NPAS3: variants seen among roughly 807,000 people sequenced by gnomAD.
The protein encoded by NPAS3 is neuronal PAS domain-containing protein 3.
NPAS3 carries 14 observed loss-of-function variants against 73.1 expected under a neutral mutation model. That is an observed-to-expected ratio of 0.19 (90% CI 0.13 to 0.30). The LOEUF is 0.30. Ranked by LOEUF, NPAS3 falls within the 10% of genes least tolerant of loss-of-function variation. The probability of loss-of-function intolerance (pLI) is 1.00; values close to 1 mark genes in which losing one functional copy is unlikely to be tolerated. For missense variants in NPAS3, 1,096 were observed against 1,250.0 expected (o/e 0.88, Z 1.86); for synonymous variants, 620 against 541.5 (o/e 1.14, Z -2.01).
chr14:33,365,492 C>T (rs950357164), intron 3 of NPAS3, among the ~76,000 whole-genome samples: 2 of 152,136 alleles, frequency 1.3e-5, no homozygotes, highest in African/African-American at 4.8e-5. Context: ...TTAATCTCAG[C>T]ATAGTAAACT....
At chr14:33,448,325 A>G (rs1402957722) in intron 4 of NPAS3, among the ~76,000 whole-genome samples, 1 of 152,224 alleles carries the variant, frequency 6.6e-6, no homozygotes, top group African/African-American at 2.4e-5. Flanking sequence ...AGGGAACTCC[A>G]TAATTTAAGG....
chr14:33,163,723 T>A (rs768389159), intron 2 of NPAS3, among the ~76,000 whole-genome samples: 4 of 151,534 alleles, frequency 2.6e-5, no homozygotes, highest in Non-Finnish European at 5.9e-5. Context: ...AAGGGTCAGA[T>A]GACTTGGAAA....
intron 7 of NPAS3, among the ~76,000 whole-genome samples, chr14:33,739,155 G>A (rs559941064): frequency 3.3e-5 from 5 of 152,260 alleles, no homozygotes; most frequent in South Asian, 2.1e-4. Flanking sequence ...TATAATGCTC[G>A]GAGTGTCTTC....
rs78174378 is a variant in NPAS3, at chr14:33,237,740, A to G, written c.385+22314A>G. Among the ~76,000 whole-genome samples the G allele has an allele frequency of 9.7e-4, 148 of 152,142 alleles. 1 individual carries two copies. The East Asian group carries it at 0.023, about 23-fold the overall frequency. On this transcript the variant is annotated intron_variant, in intron 3 of 11. Coordinates refer to ENST00000356141, the Ensembl canonical transcript of NPAS3. ...GATTTGCATATACATATATTTTTCT[A>G]TGTTGAAATGTTATTCACTCTATAT...
At chr14:33,039,815 G>T (rs1001903803) in intron 1 of NPAS3, among the ~76,000 whole-genome samples, 6 of 152,168 alleles carry the variant, frequency 3.9e-5, no homozygotes, top group African/African-American at 1.4e-4. Flanking sequence ...TGCACACAGG[G>T]GCCTGGGGTC....
chr14:33,650,212 G>A (rs1366670870), intron 5 of NPAS3, among the ~76,000 whole-genome samples: 1 of 152,206 alleles, frequency 6.6e-6, no homozygotes, highest in Non-Finnish European at 1.5e-5. Flanking sequence ...CAACTTATTA[G>A]AAGAGAACAG....
rs548768378 is a variant in NPAS3 at position 33,248,037 on chromosome 14, A to G, written c.385+32611A>G. Reference sequence around the variant, plus strand: ...CAAAATTGTGATGAAGGCTAAGTTCAATCCATGCAGGGCAAGATGCATGAG... The same window carrying G: ...CAAAATTGTGATGAAGGCTAAGTTCGATCCATGCAGGGCAAGATGCATGAG... On this transcript the variant is annotated intron_variant, in intron 3 of 11. Transcript: ENST00000356141. 9.5e-4 allele frequency among the ~76,000 whole-genome samples: 145 copies of G among 152,360 alleles called. 1 individual carries two copies. Among genetic ancestry groups the G allele is most frequent in the South Asian group, 2.1e-3 (10 of 4,828 alleles).
intron 7 of NPAS3, among the ~76,000 whole-genome samples, chr14:33,759,150 A>G (rs982851770): frequency 6.6e-6 from 1 of 152,178 alleles, no homozygotes; most frequent in African/African-American, 2.4e-5. Context: ...TCTTTATTAT[A>G]ATTTCTTATA....
At chr14:33,599,587 G>A (rs2057342414) in intron 5 of NPAS3, among the ~76,000 whole-genome samples, 1 of 152,152 alleles carries the variant, frequency 6.6e-6, no homozygotes. Flanking sequence ...CTTCTAAACT[G>A]CATAATTCCC....
At chr14:33,673,348 A>C (rs778477936) in intron 5 of NPAS3, among the ~76,000 whole-genome samples, 3 of 152,208 alleles carry the variant, frequency 2.0e-5, no homozygotes, top group Non-Finnish European at 4.4e-5. Flanking sequence ...TACCAGTTCA[A>C]AAGATTGTTA....
intron 5 of NPAS3, among the ~76,000 whole-genome samples, chr14:33,583,943 T>C (rs2056770424): frequency 6.6e-6 from 1 of 152,194 alleles, no homozygotes; most frequent in Admixed American, 6.5e-5. Flanking sequence ...GTAGATAGAC[T>C]GTAGGGAGCC....
intron 2 of NPAS3, among the ~76,000 whole-genome samples, chr14:33,179,808 G>A (rs2045726018): frequency 6.6e-6 from 1 of 152,168 alleles, no homozygotes; most frequent in Non-Finnish European, 1.5e-5. Context: ...TCCAAGAAGG[G>A]CATGAAGAAA....
chr14:32,987,938 G>A (rs1595159473), intron 1 of NPAS3, among the ~76,000 whole-genome samples: 2 of 151,970 alleles, frequency 1.3e-5, no homozygotes, highest in Non-Finnish European at 2.9e-5. Flanking sequence ...TATGAAAGAG[G>A]CATGCTGCTT....
chr14:33,332,132 TCTGGGTA>T (rs1192153747), intron 3 of NPAS3, among the ~76,000 whole-genome samples: 4 of 152,216 alleles, frequency 2.6e-5, no homozygotes, highest in Non-Finnish European at 2.9e-5. Flanking sequence ...AATACAAGGT[TCTGGGTA>T]CTCCAAACTT....
chr14:33,772,277 C>T (rs1162897167), intron 7 of NPAS3, among the ~76,000 whole-genome samples: 6 of 152,110 alleles, frequency 3.9e-5, no homozygotes, highest in Non-Finnish European at 7.3e-5. Flanking sequence ...CCCGTGGTAA[C>T]GGAATCAGAA....
chr14:33,115,165 G>C (rs2043020267), intron 2 of NPAS3, among the ~76,000 whole-genome samples: 1 of 152,156 alleles, frequency 6.6e-6, no homozygotes, highest in Non-Finnish European at 1.5e-5. Context: ...TATCGGAAAG[G>C]GATAGGTGGA....
intron 2 of NPAS3, among the ~76,000 whole-genome samples, chr14:33,184,550 A>G (rs2045917021): frequency 6.6e-6 from 1 of 152,194 alleles, no homozygotes; most frequent in African/African-American, 2.4e-5. Flanking sequence ...TACAGTGAAG[A>G]GAAAGGATTA....
At chr14:33,363,702 C>T (rs765207207) in intron 3 of NPAS3, among the ~76,000 whole-genome samples, 1 of 152,142 alleles carries the variant, frequency 6.6e-6, no homozygotes, top group African/African-American at 2.4e-5. Flanking sequence ...TTTTGCAACA[C>T]TAATTCCCTT....
chr14:33,713,491 G>T (rs1233637409), intron 6 of NPAS3, among the ~76,000 whole-genome samples: 2 of 152,250 alleles, frequency 1.3e-5, no homozygotes, highest in African/African-American at 4.8e-5. Context: ...AACTTCTCAT[G>T]GTAGAATTGC....
Sources: gnomAD v4.1 joint callset for allele counts (sites outside exome capture counted in the v4.1 genomes callset) on GRCh38, gnomAD v4.1.1 for gene constraint, MANE v1.5 for transcripts, NCBI Gene and HGNC (gene_info 2026-07-23, HGNC 2026-07-21) for gene names.